Variants in NHS observed in about 807,000 individuals in gnomAD.
The protein encoded by NHS is NHS actin remodeling regulator.
A neutral mutation model predicts 72.5 loss-of-function variants in NHS; 5 were observed. The observed-to-expected ratio is 0.07, with a 90% CI of 0.04 to 0.14. NHS has a LOEUF of 0.14. Among genes scored for constraint, NHS ranks in the 10% least tolerant of loss-of-function variants. The pLI, the probability that NHS is intolerant of heterozygous loss-of-function variation, is 1.00. For missense variants in NHS, 1,072 were observed against 1,355.7 expected, an observed-to-expected ratio of 0.79 and a Z score of 3.29; for synonymous variants, 464 against 547.7, an observed-to-expected ratio of 0.85 and a Z score of 2.13.
chrX:17,425,568 A>AAAAAAAAAAAAAAAAAG (rs2064651928), intron 1 of NHS, among the ~76,000 whole-genome samples: 1 of 77,074 alleles, frequency 1.3e-5, no homozygotes. Context: ...AAAAAAAAAA[A>AAAAAAAAAAAAAAAAAG]AAAGAAAGAA....
At chrX:17,548,980 CAT>C (rs1221284356) in intron 1 of NHS, among the ~76,000 whole-genome samples, 1 of 103,794 alleles carries the variant, frequency 9.6e-6, no homozygotes, top group Non-Finnish European at 2.0e-5. Context: ...GGGGTTGACA[CAT>C]GTCTGTTTAA....
chrX:17,632,357 T>A (rs753527249), intron 1 of NHS, among the ~76,000 whole-genome samples: 1 of 111,002 alleles, frequency 9.0e-6, no homozygotes, highest in Non-Finnish European at 1.9e-5. Context: ...CCTGTCCATT[T>A]TTTTTTCCGA....
chrX:17,395,234 G>A (rs185638307), intron 1 of NHS, among the ~76,000 whole-genome samples: 3,978 of 110,860 alleles, frequency 0.036, 78 homozygotes, highest in Non-Finnish European at 0.058. Flanking sequence ...ATACTCAAAA[G>A]GGCTGGGATT....
chrX:17,495,491 A>G (rs1233225463), intron 1 of NHS, among the ~76,000 whole-genome samples: 4 of 112,081 alleles, frequency 3.6e-5, no homozygotes, highest in African/African-American at 1.3e-4. Context: ...ATTCTTTCAT[A>G]TACATAATTT....
intron 1 of NHS, among the ~76,000 whole-genome samples, chrX:17,403,328 A>G (rs764944200): frequency 8.9e-6 from 1 of 112,417 alleles, no homozygotes; most frequent in African/African-American, 3.2e-5. Flanking sequence ...AAAGATAAAC[A>G]GGTTTGCTGA....
At chrX:17,455,515 G>A (rs1569258144) in intron 1 of NHS, among the ~76,000 whole-genome samples, 1 of 112,175 alleles carries the variant, frequency 8.9e-6, no homozygotes, top group Non-Finnish European at 1.9e-5. Flanking sequence ...GCTTAGAGAA[G>A]CCAAGTGGCT....
intron 1 of NHS, among the ~76,000 whole-genome samples, chrX:17,456,084 CG>C (rs1383095482): frequency 1.8e-5 from 2 of 111,905 alleles, no homozygotes; most frequent in Admixed American, 9.4e-5. Context: ...CCAGAAGAGA[CG>C]CTGTGTCTTT....
At chrX:17,393,790 T>C (rs1228445208) in intron 1 of NHS, among the ~76,000 whole-genome samples, 3 of 111,698 alleles carry the variant, frequency 2.7e-5, no homozygotes, top group African/African-American at 9.8e-5. Context: ...TATCCATAGC[T>C]GAGAGGGTTT....
At chrX:17,414,288 C>T (rs2064579494) in intron 1 of NHS, among the ~76,000 whole-genome samples, 1 of 112,353 alleles carries the variant, frequency 8.9e-6, no homozygotes, top group African/African-American at 3.2e-5. Context: ...CAGCAGCAAA[C>T]AAAGGTGTAA....
intron 1 of NHS, among the ~76,000 whole-genome samples, chrX:17,483,880 C>T (rs1291831699): frequency 2.7e-5 from 3 of 111,062 alleles, no homozygotes; most frequent in Non-Finnish European, 5.7e-5. Context: ...CCATATTTCT[C>T]CAAAGAGAAA....
At chrX:17,511,952 T>A (rs2065090849) in intron 1 of NHS, among the ~76,000 whole-genome samples, 1 of 111,748 alleles carries the variant, frequency 8.9e-6, no homozygotes, top group African/African-American at 3.3e-5. Context: ...CCCAGCTCCA[T>A]CACCTCTCAG....
In NHS at chrX:17,532,805, G is replaced by A. The variant is rs554046009; in HGVS notation, c.566-154937G>A. ...TGGCTTCCGCTTTGCACTAACCTGGGTTCAAACCCTGGCCCGGCCACTTAC... is the reference window on the plus strand; with the variant it reads ...TGGCTTCCGCTTTGCACTAACCTGGATTCAAACCCTGGCCCGGCCACTTAC... On this transcript the variant is annotated intron_variant, in intron 1 of 8. Transcript: ENST00000676302. Among the ~76,000 whole-genome samples the A allele has an allele frequency of 6.3e-5, 7 of 111,806 alleles. No homozygotes were observed. In the South Asian group the frequency reaches 2.6e-3, roughly 42 times the overall value.
At chrX:17,553,777 G>A (rs190460274) in intron 1 of NHS, among the ~76,000 whole-genome samples, 14 of 111,433 alleles carry the variant, frequency 1.3e-4, no homozygotes, top group Admixed American at 2.9e-4. Flanking sequence ...GGGTAGGGGG[G>A]CGGTGCTTGG....
intron 1 of NHS, among the ~76,000 whole-genome samples, chrX:17,493,695 G>A (rs769016948): frequency 9.0e-6 from 1 of 111,647 alleles, no homozygotes; most frequent in Non-Finnish European, 1.9e-5. Context: ...GTATCTTCTG[G>A]AAGCTTATTA....
rs775293317 is a variant in NHS, at chrX:17,489,415, A to T, written c.565+113093A>T. Among the ~76,000 whole-genome samples, 6 of 112,525 alleles carry T rather than the reference A, an allele frequency of 5.3e-5. No individual in the cohort carries two copies. The South Asian group carries it at 1.9e-3, about 35-fold the overall frequency. ...TAATTTACACTCCCACCAACAGTGT[A>T]AAAGTGTTCCTATTTCTCCACATCG... On this transcript the variant is annotated intron_variant, in intron 1 of 8. Transcript: ENST00000676302.
At chrX:17,593,642 G>T (rs1337167262) in intron 1 of NHS, among the ~76,000 whole-genome samples, 1 of 111,529 alleles carries the variant, frequency 9.0e-6, no homozygotes, top group Admixed American at 9.5e-5. Flanking sequence ...TATCAGTGTG[G>T]AACTGAGCCC....
rs187628052 is a variant in NHS at position 17,555,074 on chromosome X, G to A, written c.566-132668G>A. Among the ~76,000 whole-genome samples, 9 of 110,103 alleles carry A rather than the reference G, an allele frequency of 8.2e-5. No individual in the cohort carries two copies. The East Asian group carries it at 2.3e-3, about 28-fold the overall frequency. On this transcript the variant is annotated intron_variant, in intron 1 of 8. Transcript: ENST00000676302. ...GTCCATGTGTTCTCATTGAGAAACA[G>A]CTGTTTTCTAAGGGACAGTGGCCAT...
At chrX:17,421,615 C>T (rs758377409) in intron 1 of NHS, among the ~76,000 whole-genome samples, 21 of 110,492 alleles carry the variant, frequency 1.9e-4, no homozygotes, top group Non-Finnish European at 2.6e-4. Context: ...CTTGCTCTGT[C>T]GCCCATGCTG....
chrX:17,684,995 C>G (rs2066153501), intron 1 of NHS, among the ~76,000 whole-genome samples: 2 of 112,394 alleles, frequency 1.8e-5, no homozygotes, highest in Non-Finnish European at 3.8e-5. Context: ...GAAAAGGGAG[C>G]ATGGTGAACC....
Sources: gnomAD v4.1 joint callset for allele counts (sites outside exome capture counted in the v4.1 genomes callset) on GRCh38, gnomAD v4.1.1 for gene constraint, MANE v1.5 for transcripts, NCBI Gene and HGNC (gene_info 2026-07-23, HGNC 2026-07-21) for gene names.